PCDHGA8: variants seen among roughly 807,000 people sequenced by gnomAD.
PCDHGA8 encodes protocadherin gamma-A8.
Under a neutral mutation model 59.2 loss-of-function variants are expected in PCDHGA8, and 45 were observed. The ratio of observed to expected loss-of-function variants is 0.76; its 90% CI spans 0.60 to 0.98. The LOEUF (loss-of-function observed/expected upper bound fraction) is 0.98. PCDHGA8 is among the 50% of genes least tolerant of loss of function. PCDHGA8 has a pLI of 0.00. For synonymous variants in PCDHGA8, 531 were observed against 519.0 expected, an observed-to-expected ratio of 1.02 and a Z score of -0.32; for missense variants, 1,257 against 1,196.2, an observed-to-expected ratio of 1.05 and a Z score of -0.75.
Position 141,477,952 on chromosome 5 carries a change from A to T in PCDHGA8, c.2425-16855A>T, listed in dbSNP as rs907708638. ...CCTGGCTCTCCTACAGTCTCTTGGG[A>T]TCCCCTAACCAGAGCCTTTTTGCCA... On this transcript the variant is annotated intron_variant, in intron 1 of 3. Coordinates refer to ENST00000398604, the MANE Select transcript of PCDHGA8 (RefSeq NM_032088.2). This position sits in a 1 kb window ranked among gnomAD's most constrained non-coding sequence, Gnocchi z 4.9. The T allele has an allele frequency of 1.9e-6, 3 of 1,613,920 alleles. No individual in the cohort carries two copies. The African/African-American group carries it at 4.0e-5, about 22-fold the overall frequency.
At position 141,491,502 on chromosome 5, in the gene PCDHGA8, C is replaced by G. The variant is rs751961360; in HGVS notation, c.2425-3305C>G. 1.4e-5 allele frequency: 23 copies of G among 1,614,080 alleles called. No homozygotes were observed. Among genetic ancestry groups the G allele is most frequent in the Non-Finnish European group, 1.8e-5 (21 of 1,180,006 alleles). ...GCCCCAACCTGCAGGTGAGCTCGGA[C>G]GGCACGCTCAAGTACATGGAGGTGA... On this transcript the variant is annotated intron_variant, in intron 1 of 3. Coordinates refer to ENST00000398604, the MANE Select transcript of PCDHGA8 (RefSeq NM_032088.2). This position sits in a 1 kb window ranked among gnomAD's most constrained non-coding sequence, Gnocchi z 6.9.
Position 141,490,982 on chromosome 5 carries a change from G to A in PCDHGA8, c.2425-3825G>A, listed in dbSNP as rs964673026. 5 of 1,613,994 alleles carry A rather than the reference G, an allele frequency of 3.1e-6. No homozygotes were observed. Among genetic ancestry groups the A allele is most frequent in the Admixed American group, 1.7e-5 (1 of 60,020 alleles). On this transcript the variant is annotated intron_variant, in intron 1 of 3. Coordinates refer to ENST00000398604, the MANE Select transcript of PCDHGA8 (RefSeq NM_032088.2). This position sits in a 1 kb window ranked among gnomAD's most constrained non-coding sequence, Gnocchi z 5.4. The stretch of plus-strand genomic sequence containing the variant: ...CACTCAGCCCCCCAGCGTCTCCCTC[G>A]CTCTGCTCCTCCTGGCTCCTTGGTC...
chr5:141,444,184 T>TG, intron 1 of PCDHGA8, among the ~76,000 whole-genome samples: 1 of 138,886 alleles, frequency 7.2e-6, no homozygotes, highest in South Asian at 2.4e-4. Flanking sequence ...TTTTTTTTTT[T>TG]TTTTGAGATG....
At chr5:141,409,352 T>G in intron 1 of PCDHGA8, 1 of 1,613,980 alleles carries the variant, frequency 6.2e-7, no homozygotes, top group Non-Finnish European at 8.5e-7. Flanking sequence ...AGAAGTCAGG[T>G]GTAATATAGA....
intron 1 of PCDHGA8, chr5:141,421,506 G>T: frequency 6.2e-7 from 1 of 1,614,076 alleles, no homozygotes; most frequent in Non-Finnish European, 8.5e-7. Context: ...GGATAGACCG[G>T]GAGGAGCTCT....
In PCDHGA8 at chr5:141,489,200, G is replaced by A. The variant is rs1483035320; in HGVS notation, c.2425-5607G>A. The A allele has an allele frequency of 2.8e-6, 4 of 1,412,792 alleles. No individual in the cohort carries two copies. The highest frequency in any genetic ancestry group is 3.9e-6 in the Non-Finnish European group (4 of 1,038,374). The allele number at this position is 1,412,792 out of a possible 1,614,324, so 87.5% of individuals were successfully genotyped here. A position where few individuals can be genotyped will look rare whatever the true frequency, so the allele number is the denominator to read the frequency against. On this transcript the variant is annotated intron_variant, in intron 1 of 3. Coordinates refer to ENST00000398604, the MANE Select transcript of PCDHGA8 (RefSeq NM_032088.2). This position sits in a 1 kb window ranked among gnomAD's most constrained non-coding sequence, Gnocchi z 4.5. ...AAGCCCTGGGTCTACCTTGGAGACAGGACAGCACAGACTTACTCTCCACAA... is the reference window on the plus strand; with the variant it reads ...AAGCCCTGGGTCTACCTTGGAGACAAGACAGCACAGACTTACTCTCCACAA...
intron 1 of PCDHGA8, among the ~76,000 whole-genome samples, chr5:141,481,820 C>T (rs2099545799): frequency 6.6e-6 from 1 of 150,726 alleles, no homozygotes; most frequent in Non-Finnish European, 1.5e-5. Context: ...GGCGTGGTGG[C>T]TGAGGCAGGA....
chr5:141,411,544 AC>A (rs2095497010), intron 1 of PCDHGA8: 1 of 152,298 alleles, frequency 6.6e-6, no homozygotes. Context: ...TGATCTTGCC[AC>A]TGCACTCCAG....
Position 141,431,132 on chromosome 5 carries a change from G to A in PCDHGA8, c.2424+35895G>A. On this transcript the variant is annotated intron_variant, in intron 1 of 3. Coordinates refer to ENST00000398604, the MANE Select transcript of PCDHGA8 (RefSeq NM_032088.2). This position sits in a 1 kb window ranked among gnomAD's most constrained non-coding sequence, Gnocchi z 4.8. ...ATATGGAGTAGAAGTAGAAGTAAGGGACATTAACGACAATGCGCCTTACTT... is the reference window on the plus strand; with the variant it reads ...ATATGGAGTAGAAGTAGAAGTAAGGAACATTAACGACAATGCGCCTTACTT... 2 of 1,614,232 alleles carry A rather than the reference G, an allele frequency of 1.2e-6. No individual in the cohort carries two copies. The highest frequency in any genetic ancestry group is 8.5e-7 in the Non-Finnish European group (1 of 1,180,024).
intron 1 of PCDHGA8, chr5:141,426,833 G>T: frequency 2.2e-6 from 1 of 456,680 alleles, no homozygotes; most frequent in Non-Finnish European, 4.4e-6. Flanking sequence ...TGATGGACAA[G>T]ACTAAAGGCA....
In PCDHGA8 at chr5:141,407,971, G is replaced by C. The variant is rs1399304138; in HGVS notation, c.2424+12734G>C. The C allele has an allele frequency of 7.0e-5, 50 of 717,762 alleles. No homozygotes were observed. In the South Asian group the frequency reaches 1.2e-3, roughly 17 times the overall value. 44.5% of individuals were successfully genotyped at this position (717,762 alleles called of 1,614,324 possible). On this transcript the variant is annotated intron_variant, in intron 1 of 3. Coordinates refer to ENST00000398604, the MANE Select transcript of PCDHGA8 (RefSeq NM_032088.2). The stretch of plus-strand genomic sequence containing the variant: ...CGGCCAGTGCAGAGCAAGCGCTGAC[G>C]CCGGGGATCCGTCAGCCTCTGGCCT...
intron 1 of PCDHGA8, chr5:141,440,542 C>T (rs1448576873): frequency 6.6e-6 from 1 of 152,206 alleles, no homozygotes; most frequent in Non-Finnish European, 1.5e-5. Context: ...CACGGTTCAG[C>T]AGGAATGTTA....
chr5:141,432,560 A>C lies in PCDHGA8; in HGVS notation c.2424+37323A>C. The C allele has an allele frequency of 2.5e-6, 4 of 1,613,600 alleles. No individual in the cohort carries two copies. Among genetic ancestry groups the C allele is most frequent in the Non-Finnish European group, 3.4e-6 (4 of 1,179,962 alleles). ...GGCGGTGGACAGAGACTCCGGCCAG[A>C]ACGCCTGGCTGTCCTACCGTCTGCT... On this transcript the variant is annotated intron_variant, in intron 1 of 3. Transcript: ENST00000398604. The surrounding 1 kb of genome is among the most constrained non-coding windows in gnomAD (Gnocchi z 6.0).
intron 1 of PCDHGA8, chr5:141,409,128 T>C (rs755394129): frequency 6.2e-6 from 10 of 1,613,976 alleles, no homozygotes; most frequent in South Asian, 1.1e-5. Flanking sequence ...TCATTTGATT[T>C]TGAAGATGTA....
At chr5:141,427,333 T>C (rs1157500463) in intron 1 of PCDHGA8, 1 of 457,322 alleles carries the variant, frequency 2.2e-6, no homozygotes, top group Non-Finnish European at 4.4e-6. Context: ...TTTACTTCAG[T>C]GTCCAGTTCT....
Position 141,393,906 on chromosome 5 carries a change from G to C in PCDHGA8, c.1093G>C (p.Val365Leu). Residue 365 changes from valine to leucine, a missense_variant, in exon 1 of 4, where the codon GTA becomes CTA. Val to Leu is a conservative substitution (Grantham distance 32). Coordinates refer to ENST00000398604, the MANE Select transcript of PCDHGA8 (RefSeq NM_032088.2). ...GTTAGAAAATTCTCTTCCCGGGACA[G>C]TAATTGCCTTCTTGAGTGTGCATGA... ...PVLENSLPGT[V>L]IAFLSVHDQD... is the part of the protein sequence containing the mutation. 2 of 1,613,998 alleles carry C rather than the reference G, an allele frequency of 1.2e-6. No homozygotes were observed. The highest frequency in any genetic ancestry group is 1.7e-6 in the Non-Finnish European group (2 of 1,179,880).
At chr5:141,510,849 G>C (rs959784028) in intron 3 of PCDHGA8, 98 bp from the exon 4 acceptor site, 10 of 1,596,568 alleles carry the variant, frequency 6.3e-6, no homozygotes, top group Middle Eastern at 1.7e-4. Flanking sequence ...CAAGGCCCAG[G>C]GTGCTGTATA....
At chr5:141,427,008 C>G (rs762510673) in intron 1 of PCDHGA8, 145 of 456,786 alleles carry the variant, frequency 3.2e-4, no homozygotes, top group African/African-American at 2.8e-3. Context: ...AGTTTTTAGC[C>G]AGGATGTATA....
chr5:141,394,864 C>T lies in PCDHGA8; in HGVS notation c.2051C>T (p.Pro684Leu). The change falls in exon 1 of 4, where the codon CCG becomes CTG. Residue 684 changes from proline to leucine, a missense_variant. Pro to Leu is a moderately conservative substitution (Grantham distance 98). Transcript: ENST00000398604. ...GGCAGTCTGAAGCCTTCGGTCGACC[C>T]GAACGATTCGAGCCTTACACTCTAT... ...ELGSLKPSVD[P>L]NDSSLTLYLV... 4 of 1,613,780 alleles carry T rather than the reference C, an allele frequency of 2.5e-6. No individual in the cohort carries two copies. The highest frequency in any genetic ancestry group is 3.4e-6 in the Non-Finnish European group (4 of 1,179,900).
Sources: allele counts gnomAD v4.1 joint callset (sites outside exome capture counted in the v4.1 genomes callset), GRCh38; gene constraint gnomAD v4.1.1; non-coding constraint Gnocchi (gnomAD v3.1); transcripts MANE v1.5; gene names NCBI Gene and HGNC (gene_info 2026-07-23, HGNC 2026-07-21).